Variants in CASKIN1 observed in about 807,000 individuals in gnomAD.
The protein encoded by CASKIN1 is CASK interacting protein 1, also known as caskin-1.
A neutral mutation model predicts 117.5 loss-of-function variants in CASKIN1; 42 were observed. The observed-to-expected ratio is 0.36, with a 90% CI of 0.28 to 0.46. The LOEUF is 0.46. Among genes scored for constraint, CASKIN1 ranks in the 20% least tolerant of loss-of-function variants. CASKIN1 has a pLI of 1.00. For synonymous variants in CASKIN1, 1,148 were observed against 961.7 expected, an observed-to-expected ratio of 1.19 and a Z score of -3.59; for missense variants, 2,083 against 2,077.3, an observed-to-expected ratio of 1.00 and a Z score of -0.05.
rs1190303769 is a variant in CASKIN1 at position 2,180,556 on chromosome 16, C to T, written c.2812G>A (p.Val938Met). Residue 938 changes from valine to methionine, a missense_variant, in exon 18 of 20, where the codon GTG becomes ATG. Val to Met is a conservative substitution (Grantham distance 21). This residue lies in a region of CASKIN1 where 1,818 missense variants were observed against 1,688.9 expected (regional missense o/e 1.08). Transcript: ENST00000343516. ...GGGGGCCCCTTCTTTCGGGGCCGCACGGCAAAGGACTGGCTGCGGTTGACG... is the reference window on the plus strand; with the variant it reads ...GGGGGCCCCTTCTTTCGGGGCCGCATGGCAAAGGACTGGCTGCGGTTGACG... Reference protein sequence around the residue: ...KNVNRSQSFAVRPRKKGPPPP... With the variant: ...KNVNRSQSFAMRPRKKGPPPP... 9 of 1,553,346 alleles carry T rather than the reference C, an allele frequency of 5.8e-6. 1 individual carries two copies. The highest frequency in any genetic ancestry group is 4.7e-5 in the South Asian group (4 of 85,530).
chr16:2,181,971 C>G (rs2093169663), intron 16 of CASKIN1, 42 bp from the exon 17 acceptor site: 7 of 1,606,776 alleles, frequency 4.4e-6, no homozygotes, highest in Non-Finnish European at 6.0e-6. Flanking sequence ...GGCTGGCTGC[C>G]CGCACCCTGC....
At position 2,193,161 on chromosome 16, in the gene CASKIN1, G is replaced by A. The variant is rs566592129; in HGVS notation, c.95-2803C>T. On this transcript the variant is annotated intron_variant, in intron 1 of 19. Coordinates refer to ENST00000343516, the MANE Select transcript of CASKIN1 (RefSeq NM_020764.4). ...GCCTCCAGAGTAGCTGGGATTACAGGCACGCACCACCACTCCTGGCTAATT... is the reference window on the plus strand; with the variant it reads ...GCCTCCAGAGTAGCTGGGATTACAGACACGCACCACCACTCCTGGCTAATT... Among the ~76,000 whole-genome samples, 3 of 152,196 alleles carry A rather than the reference G, an allele frequency of 2.0e-5. No individual in the cohort carries two copies. In the East Asian group the frequency reaches 5.8e-4, roughly 29 times the overall value.
At position 2,185,495 on chromosome 16, in the gene CASKIN1, A is replaced by G. The variant is rs551223141; in HGVS notation, c.1049-87T>C. The G allele has an allele frequency of 4.6e-5, 53 of 1,153,774 alleles. No individual in the cohort carries two copies. In the Middle Eastern group the frequency reaches 8.8e-4, roughly 19 times the overall value. 71.5% of individuals were successfully genotyped at this position (1,153,774 alleles called of 1,614,324 possible). ...AGGCAGGACAGAGACTGGCGCAGCC[A>G]CAGCCGGGGGTCCTCTCTGCCCACC... On this transcript the variant is annotated intron_variant, in intron 10 of 19. Coordinates refer to ENST00000343516, the MANE Select transcript of CASKIN1 (RefSeq NM_020764.4).
intron 1 of CASKIN1, among the ~76,000 whole-genome samples, chr16:2,190,731 G>A (rs1245819255): frequency 6.6e-6 from 1 of 152,236 alleles, no homozygotes; most frequent in Non-Finnish European, 1.5e-5. Flanking sequence ...AATGGTGGGA[G>A]GGAGAGAGCC....
Position 2,178,229 on chromosome 16 carries a change from G to C in CASKIN1, c.*321C>G, listed in dbSNP as rs766987817. Reference sequence around the variant, plus strand: ...GCCGGGCGTCCCGATGGGCAGTTCTGTGCTGGGCCCGGGCCTGTGCGCTGC... The same window carrying C: ...GCCGGGCGTCCCGATGGGCAGTTCTCTGCTGGGCCCGGGCCTGTGCGCTGC... On this transcript the variant is annotated 3_prime_UTR_variant, in exon 20 of 20. Transcript: ENST00000343516. The C allele has an allele frequency of 1.1e-5, 5 of 434,878 alleles. No individual in the cohort carries two copies. Among genetic ancestry groups the C allele is most frequent in the Non-Finnish European group, 2.1e-5 (5 of 234,202 alleles). 26.9% of individuals were successfully genotyped at this position (434,878 alleles called of 1,614,324 possible).
chr16:2,188,320 G>A (rs1421067607), intron 6 of CASKIN1, among the ~76,000 whole-genome samples: 6 of 151,366 alleles, frequency 4.0e-5, no homozygotes, highest in African/African-American at 9.7e-5. Flanking sequence ...TCAAGCAGCC[G>A]GGACTACAGG....
At chr16:2,186,475 C>T (rs544338436) in intron 10 of CASKIN1, among the ~76,000 whole-genome samples, 1 of 152,266 alleles carries the variant, frequency 6.6e-6, no homozygotes, top group East Asian at 1.9e-4. Context: ...TTCTAGTGGC[C>T]GGTTCAGAAC....
intron 1 of CASKIN1, among the ~76,000 whole-genome samples, chr16:2,190,967 C>T (rs1407356080): frequency 1.3e-5 from 2 of 152,186 alleles, no homozygotes; most frequent in Admixed American, 6.5e-5. Context: ...TGCTCCCTGG[C>T]GACTCGGAGC....
chr16:2,187,588 G>T, intron 6 of CASKIN1, 127 bp from the exon 7 acceptor site: 1 of 698,596 alleles, frequency 1.4e-6, no homozygotes, highest in Non-Finnish European at 2.4e-6. Flanking sequence ...GTCCAGCCCT[G>T]CCCCATGTCT....
chr16:2,187,168 C>T lies in CASKIN1; in HGVS notation c.833G>A (p.Arg278Gln), dbSNP rs746833581. ...QASREIKQLL[R>Q]EASAALQVRA... Reference sequence around the variant, plus strand: ...CCCTCTGCCCTGCCTGGGCCCACCTCGCAACAGCTGCTTGATCTCCCTGCT... The same window carrying T: ...CCCTCTGCCCTGCCTGGGCCCACCTTGCAACAGCTGCTTGATCTCCCTGCT... The change falls in exon 8 of 20, where the codon CGA becomes CAA. Residue 278 changes from arginine to glutamine, a missense_variant and splice_region_variant. Arg to Gln is a conservative substitution (Grantham distance 43, BLOSUM62 1). Coordinates refer to ENST00000343516, the MANE Select transcript of CASKIN1 (RefSeq NM_020764.4). The T allele has an allele frequency of 1.5e-5, 25 of 1,613,792 alleles. No homozygotes were observed. The highest frequency in any genetic ancestry group is 1.6e-4 in the Middle Eastern group (1 of 6,084).
rs1218517152 is a variant in CASKIN1 at position 2,181,935 on chromosome 16, G to C, written c.1630-6C>G. 5.6e-6 allele frequency: 9 copies of C among 1,613,188 alleles called. No individual in the cohort carries two copies. Among genetic ancestry groups the C allele is most frequent in the Non-Finnish European group, 7.6e-6 (9 of 1,179,796 alleles). On this transcript the variant is annotated splice_polypyrimidine_tract_variant and splice_region_variant and intron_variant, in intron 16 of 19. Coordinates refer to ENST00000343516, the MANE Select transcript of CASKIN1 (RefSeq NM_020764.4). ...AGCCACACGGCCAGGTTAGCCTACA[G>C]AGCAGACACACAGAGGAGCCACCTG...
Position 2,184,763 on chromosome 16 carries a change from C to T in CASKIN1, c.1416+14G>A. On this transcript the variant is annotated intron_variant, in intron 14 of 19. Coordinates refer to ENST00000343516, the MANE Select transcript of CASKIN1 (RefSeq NM_020764.4). Reference sequence around the variant, plus strand: ...CCCCGGAGCCCACGCTGAGAACACCCCCAAGCCCTGTACCTTGCCCTCCGA... The same window carrying T: ...CCCCGGAGCCCACGCTGAGAACACCTCCAAGCCCTGTACCTTGCCCTCCGA... 6.7e-7 allele frequency: 1 copy of T among 1,499,758 alleles called. No individual in the cohort carries two copies. The highest frequency in any genetic ancestry group is 8.9e-7 in the Non-Finnish European group (1 of 1,124,850). The allele number at this position is 1,499,758 out of a possible 1,614,324, so 92.9% of individuals were successfully genotyped here. A position where few individuals can be genotyped will look rare whatever the true frequency, so the allele number is the denominator to read the frequency against.
At position 2,196,496 on chromosome 16, in the gene CASKIN1, G is replaced by A; in HGVS notation, c.-64C>T. The A allele has an allele frequency of 4.9e-6, 4 of 808,642 alleles. No homozygotes were observed. Among genetic ancestry groups the A allele is most frequent in the Non-Finnish European group, 6.1e-6 (4 of 660,610 alleles). The allele number at this position is 808,642 out of a possible 1,614,324, so 50.1% of individuals were successfully genotyped here. On this transcript the variant is annotated 5_prime_UTR_variant, in exon 1 of 20. Coordinates refer to ENST00000343516, the MANE Select transcript of CASKIN1 (RefSeq NM_020764.4). The surrounding 1 kb of genome is among the most constrained non-coding windows in gnomAD (Gnocchi z 5.7). Reference sequence around the variant, plus strand: ...AGCTCGGCGCGGCTCAGAGGCGGCGGCGGCCCCGCGGCACCGGCCGCCTCC... The same window carrying A: ...AGCTCGGCGCGGCTCAGAGGCGGCGACGGCCCCGCGGCACCGGCCGCCTCC...
At position 2,185,010 on chromosome 16, in the gene CASKIN1, T is replaced by C. The variant is rs1356022064; in HGVS notation, c.1265A>G (p.Lys422Arg). The C allele has an allele frequency of 1.2e-6, 2 of 1,609,426 alleles. No individual in the cohort carries two copies. Among genetic ancestry groups the C allele is most frequent in the Admixed American group, 1.7e-5 (1 of 59,842 alleles). Residue 422 changes from lysine (K) to arginine (R), a missense_variant, in exon 13 of 20, where the codon AAG becomes AGG. Physicochemically the swap from Lys to Arg is conservative, Grantham distance 26. Coordinates refer to ENST00000343516, the MANE Select transcript of CASKIN1 (RefSeq NM_020764.4). ...VKLLATVLSQ[K>R]SVSESGPGDS... Reference sequence around the variant, plus strand: ...CCCCGGGCCGGACTCAGAGACGGACTTCTGGGAAAGCACCGTTGCCAGGAG... The same window carrying C: ...CCCCGGGCCGGACTCAGAGACGGACCTCTGGGAAAGCACCGTTGCCAGGAG...
intron 6 of CASKIN1, among the ~76,000 whole-genome samples, chr16:2,188,668 T>C (rs2093191942): frequency 1.3e-5 from 2 of 152,164 alleles, no homozygotes; most frequent in East Asian, 1.9e-4. Context: ...GTGAGCACTG[T>C]TGAAGGGCCC....
chr16:2,178,628 C>G lies in CASKIN1; in HGVS notation c.4218G>C (p.Lys1406Asn). 2.5e-6 allele frequency: 4 copies of G among 1,594,362 alleles called. No homozygotes were observed. Among genetic ancestry groups the G allele is most frequent in the Non-Finnish European group, 3.4e-6 (4 of 1,175,368 alleles). Residue 1406 changes from lysine (K) to asparagine (N), a missense_variant, in exon 20 of 20, where the codon AAG becomes AAC. Lys to Asn is a moderately conservative substitution (Grantham distance 94). Around this residue, in one of 3 missense-constraint regions of CASKIN1, gnomAD observed 1,818 missense variants for 1,688.9 expected, o/e 1.08. Transcript: ENST00000343516. ...AQGPRDSAAE[K>N]STGSILDDIG... ...TGTCGTCCAGGATGCTGCCAGTGCT[C>G]TTTTCCGCCGCCGAGTCGCTGCGGG...
intron 5 of CASKIN1, 39 bp downstream of exon 5, chr16:2,189,199 T>G: frequency 1.2e-6 from 2 of 1,612,274 alleles, no homozygotes; most frequent in Non-Finnish European, 1.7e-6. Context: ...GATGTGGGGC[T>G]CCCCAGCCCC....
In CASKIN1 at chr16:2,183,766, T is replaced by C. The variant is rs966209675; in HGVS notation, c.1528-19A>G. The C allele has an allele frequency of 1.9e-6, 3 of 1,612,918 alleles. No individual in the cohort carries two copies. The African/African-American group carries it at 4.0e-5, about 22-fold the overall frequency. On this transcript the variant is annotated intron_variant, in intron 15 of 19. Transcript: ENST00000343516. The stretch of plus-strand genomic sequence containing the variant: ...TGAGGTCCTAGGCAGTGGGGAGGCT[T>C]GTCAGCTAGGGGCTGGGCCCATCTG...
chr16:2,191,236 G>T (rs1195532368), intron 1 of CASKIN1, among the ~76,000 whole-genome samples: 1 of 152,198 alleles, frequency 6.6e-6, no homozygotes, highest in African/African-American at 2.4e-5. Context: ...GGACAGGGTG[G>T]GGGCAGGAGC....
Sources: allele counts gnomAD v4.1 joint callset (sites outside exome capture counted in the v4.1 genomes callset), GRCh38; gene constraint gnomAD v4.1.1; regional missense constraint gnomAD v4.1.1; non-coding constraint Gnocchi (gnomAD v3.1); transcripts MANE v1.5; gene names NCBI Gene and HGNC (gene_info 2026-07-23, HGNC 2026-07-21).